Variants in CEP83 observed in about 807,000 individuals in gnomAD.
CEP83 encodes centrosomal protein 83.
Under a neutral mutation model 101.9 loss-of-function variants are expected in CEP83, and 70 were observed. The ratio of observed to expected loss-of-function variants is 0.69; its 90% CI spans 0.57 to 0.84. The LOEUF (loss-of-function observed/expected upper bound fraction) is 0.84. CEP83 is among the 40% of genes least tolerant of loss of function. CEP83 has a pLI of 0.00. For synonymous variants in CEP83, 264 were observed against 267.9 expected (o/e 0.99, Z 0.14); for missense variants, 715 against 787.2 (o/e 0.91, Z 1.10).
chr12:94,356,428 A>G (rs2060478617), intron 11 of CEP83, among the ~76,000 whole-genome samples: 1 of 152,084 alleles, frequency 6.6e-6, no homozygotes, highest in African/African-American at 2.4e-5. Context: ...GACCCCCCAG[A>G]TCTTTCTTTT....
At chr12:94,292,479 A>C in the CEP83 span, among the ~76,000 whole-genome samples, 1 of 152,258 alleles carries the variant, frequency 6.6e-6, no homozygotes, top group Admixed American at 6.5e-5. Flanking sequence ...CTTTTATTAA[A>C]AAGTATATGC....
chr12:94,310,644 A>G (rs2136280690), intron 15 of CEP83, among the ~76,000 whole-genome samples: 1 of 152,234 alleles, frequency 6.6e-6, no homozygotes, highest in Middle Eastern at 3.4e-3. Context: ...TTTTCTATCC[A>G]TGTTTGCCCG....
the CEP83 span, among the ~76,000 whole-genome samples, chr12:94,273,527 TTC>T: frequency 6.6e-6 from 1 of 152,156 alleles, no homozygotes; most frequent in Non-Finnish European, 1.5e-5. Context: ...CTTCCTTGAT[TTC>T]TCTGTTTGAA....
chr12:94,279,847 A>T, the CEP83 span: 1 of 698,188 alleles, frequency 1.4e-6, no homozygotes, highest in Non-Finnish European at 2.6e-6. Flanking sequence ...TCTTCGAAGG[A>T]AGCACGGTCC....
the CEP83 span, chr12:94,298,602 C>A: frequency 1.3e-6 from 2 of 1,546,670 alleles, no homozygotes; most frequent in African/African-American, 1.4e-5. Flanking sequence ...AGTTTTTAAT[C>A]TCCCAAATCT....
rs118181957 is a variant in CEP83, at chr12:94,377,780, A to G, written c.801+1011T>C. Among the ~76,000 whole-genome samples the G allele has an allele frequency of 7.7e-4, 118 of 152,302 alleles. No homozygotes were observed. In the East Asian group the frequency reaches 0.022, roughly 28 times the overall value. Reference sequence around the variant, plus strand: ...CTGTATGCTATATTCAACTGCAATCATCTCACTTATTCTGTCACTGTGTAA... The same window carrying G: ...CTGTATGCTATATTCAACTGCAATCGTCTCACTTATTCTGTCACTGTGTAA... On this transcript the variant is annotated intron_variant, in intron 7 of 16. Transcript: ENST00000397809.
intron 11 of CEP83, among the ~76,000 whole-genome samples, chr12:94,358,369 G>C (rs988981354): frequency 1.3e-5 from 2 of 152,138 alleles, no homozygotes; most frequent in African/African-American, 4.8e-5. Flanking sequence ...TGCAAGGTTT[G>C]AAAGAACCAC....
chr12:94,313,866 A>G (rs1380805572), intron 14 of CEP83, among the ~76,000 whole-genome samples: 2 of 152,182 alleles, frequency 1.3e-5, no homozygotes, highest in African/African-American at 4.8e-5. Flanking sequence ...CTGAAGTAAA[A>G]TTCAAAATTA....
chr12:94,438,786 C>A (rs2066186420), intron 1 of CEP83, among the ~76,000 whole-genome samples: 1 of 152,140 alleles, frequency 6.6e-6, no homozygotes, highest in South Asian at 2.1e-4. Context: ...CAAAACAAGT[C>A]TCAATAAATT....
the CEP83 span, among the ~76,000 whole-genome samples, chr12:94,268,612 T>TTTA: frequency 0.097 from 12,620 of 129,458 alleles, 693 homozygotes; most frequent in Middle Eastern, 0.12. Flanking sequence ...TTTTTTTTTT[T>TTTA]AATTTAAGGA....
chr12:94,417,092 T>A (rs73370374), intron 2 of CEP83, among the ~76,000 whole-genome samples: 4,942 of 152,138 alleles, frequency 0.032, 261 homozygotes, highest in African/African-American at 0.11. Flanking sequence ...GGTGGGAGGA[T>A]TGGTTGAGAC....
chr12:94,412,849 C>T (rs1198157030), intron 2 of CEP83, among the ~76,000 whole-genome samples: 5 of 151,186 alleles, frequency 3.3e-5, no homozygotes, highest in Non-Finnish European at 3.0e-5. Flanking sequence ...CCACCATACC[C>T]GGCTAATTTT....
intron 1 of CEP83, among the ~76,000 whole-genome samples, chr12:94,438,379 G>A (rs2066154637): frequency 1.3e-5 from 2 of 152,106 alleles, no homozygotes; most frequent in African/African-American, 2.4e-5. Flanking sequence ...GAAACCAAAC[G>A]TGAGCAGGAA....
the CEP83 span, among the ~76,000 whole-genome samples, chr12:94,298,966 A>G: frequency 2.0e-5 from 3 of 152,244 alleles, no homozygotes; most frequent in Non-Finnish European, 4.4e-5. Flanking sequence ...TTTTTAAACA[A>G]TAAAGGAAAC....
downstream of CEP83, among the ~76,000 whole-genome samples, chr12:94,301,564 CAAAG>C (rs756831210): frequency 1.6e-4 from 24 of 152,262 alleles, no homozygotes; most frequent in Non-Finnish European, 2.4e-4. Context: ...CCCAAGAACT[CAAAG>C]AAAGACAAAA....
chr12:94,419,328 G>C (rs13377736), intron 2 of CEP83, among the ~76,000 whole-genome samples: 40,904 of 151,702 alleles, frequency 0.27, 5,881 homozygotes, highest in South Asian at 0.33. Context: ...ATTTATTATA[G>C]GAAAACTGTG....
At chr12:94,424,752 C>T (rs1477912763) in intron 2 of CEP83, 2 of 1,612,086 alleles carry the variant, frequency 1.2e-6, no homozygotes, top group African/African-American at 1.3e-5. Flanking sequence ...CACAGCTTGA[C>T]AAGATCTTGG....
chr12:94,399,270 C>T (rs1046495957), intron 6 of CEP83, among the ~76,000 whole-genome samples: 1 of 152,140 alleles, frequency 6.6e-6, no homozygotes, highest in Non-Finnish European at 1.5e-5. Flanking sequence ...CCCCAGGGGC[C>T]GAGCTGTAAA....
intron 2 of CEP83, among the ~76,000 whole-genome samples, chr12:94,416,585 A>C (rs1246924904): frequency 6.9e-6 from 1 of 145,784 alleles, no homozygotes; most frequent in Non-Finnish European, 1.5e-5. Context: ...AAAAAAAAAA[A>C]ACTGTAGTTC....
Sources: gnomAD v4.1 joint callset for allele counts (sites outside exome capture counted in the v4.1 genomes callset) on GRCh38, gnomAD v4.1.1 for gene constraint, MANE v1.5 for transcripts, NCBI Gene and HGNC (gene_info 2026-07-23, HGNC 2026-07-21) for gene names.